VAV3: variants seen among roughly 807,000 people sequenced by gnomAD.
The protein encoded by VAV3 is guanine nucleotide exchange factor VAV3.
A neutral mutation model predicts 131.2 loss-of-function variants in VAV3; 94 were observed. That is an observed-to-expected ratio of 0.72 (90% CI 0.61 to 0.85). The LOEUF (loss-of-function observed/expected upper bound fraction) is 0.85. Among genes scored for constraint, VAV3 ranks in the 40% least tolerant of loss-of-function variants. The pLI, the probability that VAV3 is intolerant of heterozygous loss-of-function variation, is 0.00. For missense variants in VAV3, 939 were observed against 1,002.7 expected, an observed-to-expected ratio of 0.94 and a Z score of 0.86; for synonymous variants, 349 against 342.0, an observed-to-expected ratio of 1.02 and a Z score of -0.22.
intron 1 of VAV3, among the ~76,000 whole-genome samples, chr1:107,879,389 T>C (rs749208424): frequency 1.3e-5 from 2 of 152,248 alleles, no homozygotes; most frequent in Non-Finnish European, 2.9e-5. Context: ...TGGCCTCTAA[T>C]GTTCCTCTCA....
At chr1:107,857,967 A>G (rs1371762994) in intron 2 of VAV3, among the ~76,000 whole-genome samples, 2 of 152,220 alleles carry the variant, frequency 1.3e-5, no homozygotes, top group Non-Finnish European at 2.9e-5. Context: ...TGCAGATTTT[A>G]TTTATGTAAC....
Position 107,757,347 on chromosome 1 carries a change from T to C in VAV3, c.1018-18A>G, listed in dbSNP as rs775734742. The C allele has an allele frequency of 3.3e-5, 52 of 1,596,532 alleles. 1 individual carries two copies. In the South Asian group the frequency reaches 4.8e-4, roughly 15 times the overall value. On this transcript the variant is annotated intron_variant, in intron 10 of 26. Coordinates refer to ENST00000370056, the MANE Select transcript of VAV3 (RefSeq NM_006113.5). ...ACCAGTTCCTATTTGGAAGATATGG[T>C]TTAGTACTACTTTCATCAAATTAAA...
Position 107,603,122 on chromosome 1 carries a change from A to C in VAV3, c.2057T>G (p.Leu686Arg). ...AMERLQAETE[L>R]INRVNSTYLV... ...GTAAGTACTATTTACCCTATTAATA[A>C]GTTCGGTCTCTGCTTGCAATCTTTC... is the stretch of plus-strand genomic sequence containing the variant. Residue 686 changes from leucine to arginine, a missense_variant, in exon 23 of 27, where the codon CTT becomes CGT. Physicochemically the swap from Leu to Arg is moderately radical, Grantham distance 102 (BLOSUM62 -2). Coordinates refer to ENST00000370056, the MANE Select transcript of VAV3 (RefSeq NM_006113.5). 6.2e-7 allele frequency: 1 copy of C among 1,613,586 alleles called. No homozygotes were observed. Among genetic ancestry groups the C allele is most frequent in the Non-Finnish European group, 8.5e-7 (1 of 1,179,738 alleles).
chr1:107,725,923 G>A (rs1047152255), intron 15 of VAV3, among the ~76,000 whole-genome samples: 2 of 152,110 alleles, frequency 1.3e-5, no homozygotes, highest in African/African-American at 2.4e-5. Flanking sequence ...TCCCTTTCCT[G>A]AAGGCAACAA....
chr1:107,887,897 CAATT>C (rs763397727), intron 1 of VAV3, among the ~76,000 whole-genome samples: 138 of 151,538 alleles, frequency 9.1e-4, no homozygotes, highest in Non-Finnish European at 1.7e-3. Flanking sequence ...ATTTTTGTGA[CAATT>C]AAGTAGGAAA....
intron 1 of VAV3, among the ~76,000 whole-genome samples, chr1:107,876,926 T>C (rs1428179588): frequency 2.2e-5 from 3 of 135,442 alleles, no homozygotes; most frequent in East Asian, 4.3e-4. Context: ...TCTTAATTCA[T>C]TGTTTTGTTT....
intron 15 of VAV3, among the ~76,000 whole-genome samples, chr1:107,740,598 C>T (rs944434868): frequency 6.6e-6 from 1 of 151,428 alleles, no homozygotes. Context: ...ATCACTGATA[C>T]TAAAAATAAA....
In VAV3 at chr1:107,749,250, G is replaced by A. The variant is rs573000277; in HGVS notation, c.1393-173C>T. ...CTATAACAATTTCTATGCCAAATGC[G>A]TTTTATTATCTGGATCATTAGGGCA... On this transcript the variant is annotated intron_variant, in intron 14 of 26. Coordinates refer to ENST00000370056, the MANE Select transcript of VAV3 (RefSeq NM_006113.5). Among the ~76,000 whole-genome samples the A allele has an allele frequency of 5.9e-5, 9 of 152,166 alleles. No individual in the cohort carries two copies. The South Asian group carries it at 1.2e-3, about 21-fold the overall frequency.
intron 19 of VAV3, among the ~76,000 whole-genome samples, chr1:107,647,743 A>G (rs1655841313): frequency 1.3e-5 from 2 of 152,076 alleles, no homozygotes; most frequent in Admixed American, 1.3e-4. Flanking sequence ...ACCATGACCA[A>G]CACCTACCAC....
At chr1:107,772,618 G>A in intron 5 of VAV3, 117 bp downstream of exon 5, 1 of 808,564 alleles carries the variant, frequency 1.2e-6, no homozygotes, top group Non-Finnish European at 1.9e-6. Flanking sequence ...TAATTATATA[G>A]TTATAAGCAA....
chr1:107,866,992 C>T (rs544360292), intron 2 of VAV3, among the ~76,000 whole-genome samples: 1 of 152,030 alleles, frequency 6.6e-6, no homozygotes, highest in East Asian at 1.9e-4. Context: ...ACCTAAATAG[C>T]ATGATATCTA....
chr1:107,875,005 TCAAA>T lies in VAV3; in HGVS notation c.213_216del (p.Cys71Ter), dbSNP rs778689278. The T allele has an allele frequency of 6.2e-7, 1 of 1,612,980 alleles. No individual in the cohort carries two copies. Among genetic ancestry groups the T allele is most frequent in the Non-Finnish European group, 8.5e-7 (1 of 1,179,216 alleles). Reference sequence around the variant, plus strand: ...GCCGTGAGAAATGTCCTTATGTTCTTCAAACAGAGAAACTGAGGAATGGAAAAGA... The same window carrying T: ...GCCGTGAGAAATGTCCTTATGTTCTTCAGAGAAACTGAGGAATGGAAAAGA... On this transcript the variant is annotated frameshift_variant, in exon 2 of 27. Coordinates refer to ENST00000370056, the MANE Select transcript of VAV3 (RefSeq NM_006113.5). LOFTEE classifies it high-confidence loss of function.
Position 107,942,412 on chromosome 1 carries a change from C to T in VAV3, c.204+22254G>A, listed in dbSNP as rs565769808. 5.9e-5 allele frequency among the ~76,000 whole-genome samples: 9 copies of T among 152,282 alleles called. No homozygotes were observed. In the South Asian group the frequency reaches 1.7e-3, roughly 28 times the overall value. On this transcript the variant is annotated intron_variant, in intron 1 of 26. Coordinates refer to ENST00000370056, the MANE Select transcript of VAV3 (RefSeq NM_006113.5). ...TTGGCCTTACAAATCATACTTCAGA[C>T]TCTCACTACATCTTTAAAGGGACAC...
intron 2 of VAV3, among the ~76,000 whole-genome samples, chr1:107,838,200 A>G (rs1405056557): frequency 6.6e-6 from 1 of 152,152 alleles, no homozygotes; most frequent in Non-Finnish European, 1.5e-5. Flanking sequence ...ATATATTCGC[A>G]AACTATGCAT....
At chr1:107,655,648 A>G (rs1656494581) in intron 19 of VAV3, among the ~76,000 whole-genome samples, 1 of 152,132 alleles carries the variant, frequency 6.6e-6, no homozygotes, top group South Asian at 2.1e-4. Context: ...AAGCTTCTGA[A>G]GAGCAAAGGA....
rs116000209 is a variant in VAV3 at position 107,830,504 on chromosome 1, G to A, written c.321+44397C>T. On this transcript the variant is annotated intron_variant, in intron 2 of 26. Coordinates refer to ENST00000370056, the MANE Select transcript of VAV3 (RefSeq NM_006113.5). ...AGAGACAACTTATCACAAACAACCC[G>A]CTGGCACAACTACCTCTCACTTCAC... is the stretch of plus-strand genomic sequence containing the variant. Among the ~76,000 whole-genome samples, 1,097 of 152,174 alleles carry A rather than the reference G, an allele frequency of 7.2e-3. 12 individuals are homozygous for A. Among genetic ancestry groups the A allele is most frequent in the African/African-American group, 0.025 (1,047 of 41,508 alleles).
chr1:107,945,703 T>G (rs1357964348), intron 1 of VAV3, among the ~76,000 whole-genome samples: 21 of 151,524 alleles, frequency 1.4e-4, no homozygotes. Context: ...GCACCTGTAA[T>G]CCCAGCTATT....
At chr1:107,774,109 C>T (rs2102199095) in intron 4 of VAV3, among the ~76,000 whole-genome samples, 1 of 152,232 alleles carries the variant, frequency 6.6e-6, no homozygotes. Context: ...CTCTGTTGCC[C>T]AGGCTGGAGT....
chr1:107,588,118 C>T (rs1317344123), intron 25 of VAV3, among the ~76,000 whole-genome samples: 1 of 152,048 alleles, frequency 6.6e-6, no homozygotes, highest in Non-Finnish European at 1.5e-5. Context: ...AGCCATCAGG[C>T]TCAGAATAAA....
Sources: allele counts gnomAD v4.1 joint callset (sites outside exome capture counted in the v4.1 genomes callset), GRCh38; gene constraint gnomAD v4.1.1; transcripts MANE v1.5; gene names NCBI Gene and HGNC (gene_info 2026-07-23, HGNC 2026-07-21).